Variants in SNX29 observed in about 807,000 individuals in gnomAD.
SNX29 encodes sorting nexin 29, also known as sorting nexin-29.
SNX29 carries 78 observed loss-of-function variants against 102.1 expected under a neutral mutation model. The observed-to-expected ratio is 0.76, with a 90% CI of 0.64 to 0.92. The LOEUF is 0.92. SNX29 is among the 40% of genes least tolerant of loss of function. The probability of loss-of-function intolerance (pLI) is 0.00; values close to 1 mark genes in which losing one functional copy is unlikely to be tolerated. For synonymous variants in SNX29, 580 were observed against 414.5 expected (o/e 1.40, Z -4.85); for missense variants, 1,280 against 1,061.7 (o/e 1.21, Z -2.86).
intron 15 of SNX29, among the ~76,000 whole-genome samples, chr16:12,351,693 T>G (rs1409574069): frequency 1.3e-5 from 2 of 152,152 alleles, no homozygotes; most frequent in African/African-American, 2.4e-5. Flanking sequence ...AGATCATCTT[T>G]CCTGATACTC....
chr16:12,397,970 C>T (rs567325125), intron 16 of SNX29, among the ~76,000 whole-genome samples: 1 of 152,188 alleles, frequency 6.6e-6, no homozygotes. Context: ...AAGCCATATT[C>T]TGCTGCCTCA....
chr16:12,158,469 G>T (rs937308224), intron 13 of SNX29, among the ~76,000 whole-genome samples: 3 of 152,172 alleles, frequency 2.0e-5, no homozygotes, highest in African/African-American at 7.2e-5. Flanking sequence ...CAAAGTGCTG[G>T]GATAACAGGC....
intron 20 of SNX29, among the ~76,000 whole-genome samples, chr16:12,559,243 A>G (rs554302637): frequency 4.3e-4 from 65 of 152,030 alleles, no homozygotes; most frequent in Non-Finnish European, 7.6e-4. Context: ...CATCACTCGC[A>G]TCACCGCCTG....
intron 14 of SNX29, among the ~76,000 whole-genome samples, chr16:12,264,181 C>G (rs1167343753): frequency 6.6e-6 from 1 of 152,234 alleles, no homozygotes; most frequent in African/African-American, 2.4e-5. Context: ...GGCCCCAGCC[C>G]CTGTGCCTTT....
chr16:11,986,005 A>G (rs771548846), intron 1 of SNX29, among the ~76,000 whole-genome samples: 22 of 151,860 alleles, frequency 1.4e-4, no homozygotes, highest in Non-Finnish European at 2.1e-4. Context: ...GGGTTTCACC[A>G]TGTTGGCTAG....
chr16:12,561,804 C>T (rs1277404173), intron 20 of SNX29, among the ~76,000 whole-genome samples: 3 of 152,244 alleles, frequency 2.0e-5, no homozygotes, highest in South Asian at 4.1e-4. Flanking sequence ...TGGCAGGGGG[C>T]TCATTACCGC....
intron 18 of SNX29, among the ~76,000 whole-genome samples, chr16:12,407,640 A>G (rs1447883856): frequency 1.4e-5 from 2 of 145,018 alleles, no homozygotes; most frequent in African/African-American, 5.4e-5. Context: ...AGCTCATTCA[A>G]TCCTTGTAGC....
chr16:12,113,450 G>A (rs1056020874), intron 11 of SNX29, among the ~76,000 whole-genome samples: 31 of 152,276 alleles, frequency 2.0e-4, no homozygotes, highest in Middle Eastern at 6.8e-3. Flanking sequence ...GTAGGATGGT[G>A]CAGAGTTGGT....
intron 14 of SNX29, among the ~76,000 whole-genome samples, chr16:12,205,715 G>A (rs564269993): frequency 2.0e-5 from 3 of 152,234 alleles, no homozygotes; most frequent in South Asian, 4.1e-4. Flanking sequence ...TTCTATCTCC[G>A]ACTTTTCATC....
At chr16:12,230,125 C>A (rs1056029154) in intron 14 of SNX29, among the ~76,000 whole-genome samples, 3 of 152,176 alleles carry the variant, frequency 2.0e-5, no homozygotes, top group African/African-American at 7.2e-5. Flanking sequence ...AGTTTGTACA[C>A]GTCTGTTCTA....
At chr16:12,313,034 A>G (rs113925176) in intron 15 of SNX29, among the ~76,000 whole-genome samples, 4,746 of 113,428 alleles carry the variant, frequency 0.042, 259 homozygotes, top group African/African-American at 0.13. Flanking sequence ...TTTTTTTTTT[A>G]GACGGAGTAT....
chr16:12,242,110 A>G (rs536410470), intron 14 of SNX29, among the ~76,000 whole-genome samples: 15 of 151,958 alleles, frequency 9.9e-5, no homozygotes, highest in African/African-American at 3.6e-4. Context: ...AGCTGGGGAG[A>G]ATTGGCTTCC....
At chr16:12,343,995 A>G (rs1333304823) in intron 15 of SNX29, among the ~76,000 whole-genome samples, 2 of 152,206 alleles carry the variant, frequency 1.3e-5, no homozygotes, top group Non-Finnish European at 2.9e-5. Flanking sequence ...ATTGAATCAC[A>G]GAGGTTGTTC....
Position 12,540,011 on chromosome 16 carries a change from C to T in SNX29, c.2318+15170C>T, listed in dbSNP as rs138193975. 3.1e-3 allele frequency among the ~76,000 whole-genome samples: 479 copies of T among 152,308 alleles called. 2 individuals carry two copies. Among genetic ancestry groups the T allele is most frequent in the African/African-American group, 0.011 (445 of 41,574 alleles). On this transcript the variant is annotated intron_variant, in intron 20 of 20. Transcript: ENST00000566228. ...TTCAGCTTCTTTTCAGTGTCTTTTGCATGACACCTTTTTAATTTTGATGAA... is the reference window on the plus strand; with the variant it reads ...TTCAGCTTCTTTTCAGTGTCTTTTGTATGACACCTTTTTAATTTTGATGAA...
chr16:12,573,153 C>T lies in SNX29; in HGVS notation c.*4524C>T, dbSNP rs899905539. 3 of 226,356 alleles carry T rather than the reference C, an allele frequency of 1.3e-5. No homozygotes were observed. The highest frequency in any genetic ancestry group is 2.2e-5 in the African/African-American group (1 of 44,974). 14.0% of individuals were successfully genotyped at this position (226,356 alleles called of 1,614,324 possible). On this transcript the variant is annotated 3_prime_UTR_variant, in exon 21 of 21. Transcript: ENST00000566228. Reference sequence around the variant, plus strand: ...TGTTTCCAAAATAAAGCTTCAGCTCCTTGGTCAATAGAAGTAAGGGTGTAG... The same window carrying T: ...TGTTTCCAAAATAAAGCTTCAGCTCTTTGGTCAATAGAAGTAAGGGTGTAG...
chr16:11,979,685 G>A (rs1014773336), intron 1 of SNX29, among the ~76,000 whole-genome samples: 1 of 152,222 alleles, frequency 6.6e-6, no homozygotes, highest in Non-Finnish European at 1.5e-5. Flanking sequence ...CTGGGTTCAA[G>A]CAATTCTTCT....
At chr16:12,199,770 G>A (rs1349340831) in intron 14 of SNX29, 87 bp downstream of exon 14, 1 of 1,096,602 alleles carries the variant, frequency 9.1e-7, no homozygotes, top group Admixed American at 2.1e-5. Context: ...CTCAATGTGT[G>A]ACGAGTGCAT....
rs186394938 is a variant in SNX29 at position 12,051,582 on chromosome 16, C to T, written c.749-265C>T. Among the ~76,000 whole-genome samples, 778 of 152,294 alleles carry T rather than the reference C, an allele frequency of 5.1e-3. 6 individuals carry two copies. The highest frequency in any genetic ancestry group is 7.9e-3 in the Non-Finnish European group (536 of 68,026). On this transcript the variant is annotated intron_variant, in intron 7 of 20. Coordinates refer to ENST00000566228, the MANE Select transcript of SNX29 (RefSeq NM_032167.5). ...TCATTTTGGTAATGGTAGCATCCTT[C>T]GCATCAAAGTGACTGCTTAGAAGGA...
In SNX29 at chr16:12,572,274, A is replaced by G. The variant is rs1282536745; in HGVS notation, c.*3645A>G. 1 of 1,059,474 alleles carries G rather than the reference A, an allele frequency of 9.4e-7. No individual in the cohort carries two copies. Among genetic ancestry groups the G allele is most frequent in the Non-Finnish European group, 1.1e-6 (1 of 876,506 alleles). The allele number at this position is 1,059,474 out of a possible 1,614,324, so 65.6% of individuals were successfully genotyped here. A position where few individuals can be genotyped will look rare whatever the true frequency, so the allele number is the denominator to read the frequency against. ...TGATACCATGGCTGTAGCTGATGCA[A>G]CTAACAAGTACTGGGGCCAGTGATC... On this transcript the variant is annotated 3_prime_UTR_variant, in exon 21 of 21. Transcript: ENST00000566228.
Sources: gnomAD v4.1 joint callset for allele counts (sites outside exome capture counted in the v4.1 genomes callset) on GRCh38, gnomAD v4.1.1 for gene constraint, MANE v1.5 for transcripts, NCBI Gene and HGNC (gene_info 2026-07-23, HGNC 2026-07-21) for gene names.